Variants in KIAA0319L observed in about 807,000 individuals in gnomAD.
The protein encoded by KIAA0319L is KIAA0319 like.
KIAA0319L carries 55 observed loss-of-function variants against 120.1 expected under a neutral mutation model. That is an observed-to-expected ratio of 0.46 (90% CI 0.37 to 0.57). The LOEUF is 0.57. Ranked by LOEUF, KIAA0319L falls within the 20% of genes least tolerant of loss-of-function variation. KIAA0319L has a pLI of 0.00. For missense variants in KIAA0319L, 1,049 were observed against 1,255.3 expected, an observed-to-expected ratio of 0.84 and a Z score of 2.48; for synonymous variants, 398 against 471.9, an observed-to-expected ratio of 0.84 and a Z score of 2.03.
At chr1:35,535,972 G>A (rs1332837077) in intron 2 of KIAA0319L, among the ~76,000 whole-genome samples, 1 of 152,046 alleles carries the variant, frequency 6.6e-6, no homozygotes, top group East Asian at 1.9e-4. Context: ...ATAAATTTGT[G>A]GGATTTTTTC....
chr1:35,434,838 A>G lies in KIAA0319L; in HGVS notation c.*56T>C. 1 of 1,479,446 alleles carries G rather than the reference A, an allele frequency of 6.8e-7. No homozygotes were observed. Among genetic ancestry groups the G allele is most frequent in the Non-Finnish European group, 9.2e-7 (1 of 1,083,018 alleles). 91.6% of individuals were successfully genotyped at this position (1,479,446 alleles called of 1,614,324 possible). ...GCAGCTGCCCGCAGACTCGGGAGGT[A>G]GGAGGACTGGCCGGGCAGTGTGCTG... On this transcript the variant is annotated 3_prime_UTR_variant, in exon 21 of 21. Coordinates refer to ENST00000325722, the MANE Select transcript of KIAA0319L (RefSeq NM_024874.5).
intron 5 of KIAA0319L, among the ~76,000 whole-genome samples, chr1:35,473,128 C>T (rs866320605): frequency 1.2e-4 from 15 of 121,230 alleles, no homozygotes; most frequent in African/African-American, 4.3e-4. Flanking sequence ...CAGAGTCTTG[C>T]TCTGTCACCC....
chr1:35,455,972 C>CAA, intron 10 of KIAA0319L, 41 bp downstream of exon 10: 7 of 1,484,714 alleles, frequency 4.7e-6, no homozygotes, highest in Non-Finnish European at 6.5e-6. Flanking sequence ...AGCAGCTCTA[C>CAA]TTCTCTTGGG....
chr1:35,484,806 A>ATATATTTTTTT (rs1381080295), intron 3 of KIAA0319L, among the ~76,000 whole-genome samples: 1 of 86,264 alleles, frequency 1.2e-5, no homozygotes, highest in Non-Finnish European at 2.2e-5. Context: ...ATATATATAT[A>ATATATTTTTTT]TTTTTTTTTT....
chr1:35,534,210 A>G (rs986312688), intron 2 of KIAA0319L, among the ~76,000 whole-genome samples: 5 of 152,236 alleles, frequency 3.3e-5, no homozygotes, highest in Non-Finnish European at 7.3e-5. Context: ...TTTTAAATGT[A>G]TGGTGTAGAT....
At position 35,441,158 on chromosome 1, in the gene KIAA0319L, C is replaced by G. The variant is rs903554630; in HGVS notation, c.2871-20G>C. Reference sequence around the variant, plus strand: ...TTTTGCCTAAAAAACACAACCCCCACCCCTGCTCAGGAAAGAGGTTCTCTG... The same window carrying G: ...TTTTGCCTAAAAAACACAACCCCCAGCCCTGCTCAGGAAAGAGGTTCTCTG... On this transcript the variant is annotated intron_variant, in intron 19 of 20. Coordinates refer to ENST00000325722, the MANE Select transcript of KIAA0319L (RefSeq NM_024874.5). The G allele has an allele frequency of 6.2e-7, 1 of 1,607,474 alleles. No individual in the cohort carries two copies. The highest frequency in any genetic ancestry group is 8.5e-7 in the Non-Finnish European group (1 of 1,174,026).
chr1:35,536,367 C>T (rs182677125), intron 2 of KIAA0319L, among the ~76,000 whole-genome samples: 142 of 152,352 alleles, frequency 9.3e-4, no homozygotes, highest in Non-Finnish European at 1.7e-3. Context: ...CCCTGAGCTA[C>T]CTATTTCAGA....
intron 8 of KIAA0319L, among the ~76,000 whole-genome samples, chr1:35,460,639 C>T (rs973084816): frequency 1.3e-5 from 2 of 152,138 alleles, no homozygotes; most frequent in African/African-American, 2.4e-5. Flanking sequence ...TGTAGTTTTC[C>T]AAGAACTCCA....
chr1:35,435,230 C>CTTCCCAT, intron 20 of KIAA0319L, 149 bp from the exon 21 acceptor site: 1 of 686,258 alleles, frequency 1.5e-6, no homozygotes, highest in Non-Finnish European at 2.5e-6. Context: ...AGGAAGCTTC[C>CTTCCCAT]CTAGTCCTTC....
At chr1:35,496,992 G>C (rs1558484586) in intron 3 of KIAA0319L, among the ~76,000 whole-genome samples, 1 of 143,422 alleles carries the variant, frequency 7.0e-6, no homozygotes, top group Non-Finnish European at 1.5e-5. Context: ...CATATGTTAT[G>C]ACATGAATGG....
At chr1:35,436,335 C>T (rs1640787753) in intron 20 of KIAA0319L, among the ~76,000 whole-genome samples, 1 of 152,230 alleles carries the variant, frequency 6.6e-6, no homozygotes, top group South Asian at 2.1e-4. Flanking sequence ...GGGGCTTGGG[C>T]AGGGAGCTTC....
At chr1:35,523,716 C>T (rs1357291540) in intron 2 of KIAA0319L, among the ~76,000 whole-genome samples, 1 of 152,072 alleles carries the variant, frequency 6.6e-6, no homozygotes, top group African/African-American at 2.4e-5. Flanking sequence ...AGACATTAAC[C>T]CTACCTCCCA....
rs557151974 is a variant in KIAA0319L, at chr1:35,526,396, T to C, written c.143-19261A>G. Among the ~76,000 whole-genome samples, 1,381 of 145,054 alleles carry C rather than the reference T, an allele frequency of 9.5e-3. 10 individuals are homozygous for C. The highest frequency in any genetic ancestry group is 0.014 in the Non-Finnish European group (966 of 66,886). On this transcript the variant is annotated intron_variant, in intron 2 of 20. Transcript: ENST00000325722. ...ACATATATATATACATACATATATA[T>C]ATATATATATATATACACACATACA...
At position 35,502,212 on chromosome 1, in the gene KIAA0319L, T is replaced by C. The variant is rs753806918; in HGVS notation, c.666+4400A>G. Among the ~76,000 whole-genome samples, 92 of 150,962 alleles carry C rather than the reference T, an allele frequency of 6.1e-4. 1 individual carries two copies. Among genetic ancestry groups the C allele is most frequent in the Non-Finnish European group, 1.2e-3 (84 of 67,764 alleles). The stretch of plus-strand genomic sequence containing the variant: ...AATCACTTGAACCCAGAGGCAGAGG[T>C]TGCAGTGAGCCAAGATCGCACCACT... On this transcript the variant is annotated intron_variant, in intron 3 of 20. Coordinates refer to ENST00000325722, the MANE Select transcript of KIAA0319L (RefSeq NM_024874.5).
intron 4 of KIAA0319L, among the ~76,000 whole-genome samples, chr1:35,477,012 G>A (rs1643914900): frequency 6.6e-6 from 1 of 152,012 alleles, no homozygotes; most frequent in African/African-American, 2.4e-5. Flanking sequence ...CCAGGACACT[G>A]GTCTGAGCAA....
At chr1:35,517,301 G>A (rs1010557955) in intron 2 of KIAA0319L, among the ~76,000 whole-genome samples, 6 of 152,096 alleles carry the variant, frequency 3.9e-5, no homozygotes, top group Non-Finnish European at 5.9e-5. Flanking sequence ...CACGTTACCC[G>A]ACTTCTAACT....
Position 35,450,402 on chromosome 1 carries a change from C to A in KIAA0319L, c.2170G>T (p.Val724Phe). ...GSKSSDDKGI[V>F]SYLWTRDEGS... ...TCATCTCGAGTCCAGAGGTAGCTGA[C>A]TATTCCCTTGTCATCTGAGGACTTA... is the stretch of plus-strand genomic sequence containing the variant. The change falls in exon 14 of 21, where the codon GTC becomes TTC. Residue 724 changes from valine to phenylalanine, a missense_variant. Val to Phe is a conservative substitution (Grantham distance 50). Coordinates refer to ENST00000325722, the MANE Select transcript of KIAA0319L (RefSeq NM_024874.5). 1.2e-6 allele frequency: 2 copies of A among 1,614,142 alleles called. No individual in the cohort carries two copies. The highest frequency in any genetic ancestry group is 1.7e-6 in the Non-Finnish European group (2 of 1,180,010).
At chr1:35,533,427 T>A (rs372301354) in intron 2 of KIAA0319L, 2 of 152,214 alleles carry the variant, frequency 1.3e-5, no homozygotes, top group South Asian at 4.1e-4. Flanking sequence ...ATTCTTCTCT[T>A]CGGTGGGGTT....
intron 3 of KIAA0319L, among the ~76,000 whole-genome samples, chr1:35,484,767 CATATATATATATATATAT>C (rs56318513): frequency 3.0e-3 from 154 of 51,526 alleles, no homozygotes; most frequent in African/African-American, 0.01. Flanking sequence ...AGTTTTTAAT[CATATATATATATATATAT>C]ATATATATAT....
Sources: allele counts gnomAD v4.1 joint callset (sites outside exome capture counted in the v4.1 genomes callset), GRCh38; gene constraint gnomAD v4.1.1; transcripts MANE v1.5; gene names NCBI Gene and HGNC (gene_info 2026-07-23, HGNC 2026-07-21).